Variants in COA1 observed in about 807,000 individuals in gnomAD.
The protein encoded by COA1 is cytochrome c oxidase assembly factor 1 homolog.
A neutral mutation model predicts 16.0 loss-of-function variants in COA1; 13 were observed. That is an observed-to-expected ratio of 0.81 (90% CI 0.53 to 1.29). The LOEUF (loss-of-function observed/expected upper bound fraction) is 1.29. COA1 is among the 50% of genes most tolerant of loss of function. COA1 has a pLI of 0.00. For missense variants in COA1, 179 were observed against 177.0 expected, an observed-to-expected ratio of 1.01 and a Z score of -0.06; for synonymous variants, 65 against 65.7, an observed-to-expected ratio of 0.99 and a Z score of 0.05.
intron 4 of COA1, among the ~76,000 whole-genome samples, chr7:43,644,759 T>TAGATAGGCAGGCAGGC (rs1232562622): frequency 8.7e-6 from 1 of 114,616 alleles, no homozygotes; most frequent in Non-Finnish European, 1.8e-5. Context: ...GATAGATAGA[T>TAGATAGGCAGGCAGGC]AGGCAGGCAG....
intron 1 of COA1, among the ~76,000 whole-genome samples, chr7:43,651,414 G>A (rs1305191018): frequency 6.6e-6 from 1 of 152,152 alleles, no homozygotes; most frequent in South Asian, 2.1e-4. Context: ...GGCCTCCAAA[G>A]GCAAATAGTT....
chr7:43,637,973 T>C (rs1165753457), downstream of COA1, among the ~76,000 whole-genome samples: 4 of 152,076 alleles, frequency 2.6e-5, no homozygotes, highest in Admixed American at 6.5e-5. Flanking sequence ...TCACAACATA[T>C]AGACAATAGG....
At chr7:43,716,567 G>T (rs1287138329) in intron 1 of COA1, among the ~76,000 whole-genome samples, 1 of 152,108 alleles carries the variant, frequency 6.6e-6, no homozygotes, top group Non-Finnish European at 1.5e-5. Flanking sequence ...ATTTTAAAAG[G>T]GAAACAGGGC....
intron 1 of COA1, among the ~76,000 whole-genome samples, chr7:43,679,260 A>G (rs2093660651): frequency 2.3e-5 from 1 of 43,674 alleles, no homozygotes; most frequent in Admixed American, 3.1e-4. Context: ...GCTAAACTCC[A>G]TTGCAAAAAA....
intron 6 of COA1, chr7:43,619,512 T>C (rs1393238391): frequency 6.7e-7 from 1 of 1,485,982 alleles, no homozygotes; most frequent in African/African-American, 1.4e-5. Context: ...CTCAGTTTCA[T>C]AGGTGAAATA....
chr7:43,645,301 AATGG>A lies in COA1; in HGVS notation c.210_213del (p.His71IlefsTer18). On this transcript the variant is annotated frameshift_variant, in exon 4 of 6. Coordinates refer to ENST00000223336, the MANE Select transcript of COA1 (RefSeq NM_018224.4). LOFTEE classifies it high-confidence loss of function. The stretch of plus-strand genomic sequence containing the variant: ...TTTTCCCTGTCGATGAGCTTGAGAT[AATGG>A]ATGTTGAGAGGAGGGCCCAGAGCTT... The A allele has an allele frequency of 6.2e-7, 1 of 1,614,068 alleles. No homozygotes were observed. Among genetic ancestry groups the A allele is most frequent in the South Asian group, 1.1e-5 (1 of 91,082 alleles).
intron 6 of COA1, among the ~76,000 whole-genome samples, chr7:43,630,019 T>C (rs1023056450): frequency 7.2e-5 from 11 of 152,300 alleles, no homozygotes; most frequent in African/African-American, 2.6e-4. Flanking sequence ...TGCTGCCTGT[T>C]TGGTGAGGTT....
chr7:43,683,720 A>C (rs1245674604), intron 1 of COA1, among the ~76,000 whole-genome samples: 1 of 152,210 alleles, frequency 6.6e-6, no homozygotes, highest in Non-Finnish European at 1.5e-5. Context: ...GTACTGTTTT[A>C]AGTGCTTTAC....
intron 2 of COA1, 55 bp downstream of exon 2, chr7:43,648,545 C>T (rs2090068589): frequency 2.5e-6 from 4 of 1,592,580 alleles, no homozygotes; most frequent in African/African-American, 1.3e-5. Context: ...TTGTCTAACT[C>T]GAGAATACCC....
chr7:43,664,646 C>G (rs2153178972), intron 1 of COA1, among the ~76,000 whole-genome samples: 1 of 152,194 alleles, frequency 6.6e-6, no homozygotes, highest in African/African-American at 2.4e-5. Context: ...ATTTGGGAGC[C>G]TAAAGTAGGA....
At chr7:43,693,928 C>A (rs1461607080) in intron 1 of COA1, among the ~76,000 whole-genome samples, 2 of 151,924 alleles carry the variant, frequency 1.3e-5, no homozygotes, top group Admixed American at 1.3e-4. Flanking sequence ...ATTTTAGTCT[C>A]CTGGTTGACT....
chr7:43,717,768 T>A (rs934057994), intron 1 of COA1, among the ~76,000 whole-genome samples: 1 of 152,144 alleles, frequency 6.6e-6, no homozygotes, highest in African/African-American at 2.4e-5. Flanking sequence ...ATAATTCCCA[T>A]GTGTTGTGGG....
chr7:43,612,141 CGAT>C (rs2082936999), intron 6 of COA1, among the ~76,000 whole-genome samples: 1 of 152,196 alleles, frequency 6.6e-6, no homozygotes, highest in African/African-American at 2.4e-5. Context: ...GCCTTGATGA[CGAT>C]GACAGGCCTT....
intron 6 of COA1, among the ~76,000 whole-genome samples, chr7:43,628,458 A>AT (rs2084839099): frequency 6.6e-6 from 1 of 152,176 alleles, no homozygotes. Context: ...TTTCTCTTGG[A>AT]TTAAAAAGCT....
intron 1 of COA1, among the ~76,000 whole-genome samples, chr7:43,691,369 G>GGAAGGA (rs1563383990): frequency 1.1e-4 from 2 of 18,720 alleles, no homozygotes; most frequent in African/African-American, 2.4e-4. Flanking sequence ...GGGAGGGAGG[G>GGAAGGA]AGGGAGGGAG....
chr7:43,615,012 A>AT (rs1466281904), intron 6 of COA1, among the ~76,000 whole-genome samples: 2 of 152,194 alleles, frequency 1.3e-5, no homozygotes, highest in East Asian at 3.8e-4. Context: ...AAATCTCAAG[A>AT]TTTGGTGAAG....
intron 1 of COA1, among the ~76,000 whole-genome samples, chr7:43,669,106 T>C (rs1252104020): frequency 6.6e-6 from 1 of 152,138 alleles, no homozygotes; most frequent in African/African-American, 2.4e-5. Flanking sequence ...GGAGAAGCCC[T>C]AGCTGCTGTT....
At chr7:43,683,912 T>C (rs1160322545) in intron 1 of COA1, among the ~76,000 whole-genome samples, 5 of 152,192 alleles carry the variant, frequency 3.3e-5, no homozygotes, top group Non-Finnish European at 7.3e-5. Flanking sequence ...GTCAGTAATT[T>C]AGAGCAAACA....
intron 1 of COA1, among the ~76,000 whole-genome samples, chr7:43,700,128 C>A (rs912867423): frequency 1.3e-5 from 2 of 151,916 alleles, no homozygotes; most frequent in Admixed American, 1.3e-4. Context: ...TGGAGCTTGT[C>A]CAAATTGGCC....
Sources: gnomAD v4.1 joint callset for allele counts (sites outside exome capture counted in the v4.1 genomes callset) on GRCh38, gnomAD v4.1.1 for gene constraint, MANE v1.5 for transcripts, NCBI Gene and HGNC (gene_info 2026-07-23, HGNC 2026-07-21) for gene names.